CLASP1: variants seen among roughly 807,000 people sequenced by gnomAD.
The protein encoded by CLASP1 is CLIP-associating protein 1.
CLASP1 carries 38 observed loss-of-function variants against 192.3 expected under a neutral mutation model. The ratio of observed to expected loss-of-function variants is 0.20; its 90% CI spans 0.15 to 0.26. The LOEUF (loss-of-function observed/expected upper bound fraction) is 0.26, where lower values mean the gene tolerates loss of function less well. CLASP1 is among the 10% of genes least tolerant of loss of function. The pLI is 1.00. For missense variants in CLASP1, 1,433 were observed against 1,932.5 expected (o/e 0.74, Z 4.85); for synonymous variants, 691 against 712.8 (o/e 0.97, Z 0.49).
intron 8 of CLASP1, among the ~76,000 whole-genome samples, chr2:121,476,305 C>T (rs1436931402): frequency 1.3e-5 from 2 of 152,088 alleles, no homozygotes; most frequent in Non-Finnish European, 2.9e-5. Flanking sequence ...CAGCAGAGCC[C>T]AGCTGCCCCA....
At chr2:121,363,184 G>A (rs746077657) in exon 37 of CLASP1, 34 of 1,613,996 alleles carry the variant, frequency 2.1e-5, no homozygotes, top group African/African-American at 6.7e-5. Flanking sequence ...CCTTATGGGA[G>A]TCTTTGTGGG....
At chr2:121,478,742 CCACACACACCACACACACACCA>C (rs1291728308) in intron 8 of CLASP1, among the ~76,000 whole-genome samples, 4 of 45,140 alleles carry the variant, frequency 8.9e-5, no homozygotes, top group African/African-American at 2.0e-4. Context: ...CACACACACC[CCACACACACCACACACACACCA>C]CACACCCCAC....
intron 34 of CLASP1, among the ~76,000 whole-genome samples, chr2:121,370,445 C>T (rs745752962): frequency 6.6e-6 from 1 of 152,164 alleles, no homozygotes; most frequent in African/African-American, 2.4e-5. Flanking sequence ...CCTGCCTCAG[C>T]CTCCCAAGGA....
intron 8 of CLASP1, among the ~76,000 whole-genome samples, chr2:121,502,226 C>T (rs910282337): frequency 1.3e-5 from 2 of 152,134 alleles, no homozygotes; most frequent in Non-Finnish European, 2.9e-5. Context: ...ACACCTATCA[C>T]AAGCCAGGGA....
chr2:121,553,281 A>C (rs1425247000), intron 2 of CLASP1, among the ~76,000 whole-genome samples: 1 of 152,256 alleles, frequency 6.6e-6, no homozygotes, highest in Non-Finnish European at 1.5e-5. Flanking sequence ...TCTGTACAAC[A>C]AACCCCTGTG....
chr2:121,509,306 G>C (rs1032259108), intron 7 of CLASP1, among the ~76,000 whole-genome samples: 65 of 152,170 alleles, frequency 4.3e-4, no homozygotes, highest in Admixed American at 4.3e-3. Flanking sequence ...GTCTCATGTA[G>C]CTAGGACCAC....
chr2:121,476,335 C>T (rs531028701), intron 8 of CLASP1, among the ~76,000 whole-genome samples: 24 of 152,248 alleles, frequency 1.6e-4, no homozygotes, highest in African/African-American at 5.8e-4. Context: ...TTTAACCAGG[C>T]TGCATAGGGG....
rs115435830 is a variant in CLASP1 at position 121,530,937 on chromosome 2, C to T, written c.196-612G>A. 1,614 of 700,392 alleles carry T rather than the reference C, an allele frequency of 2.3e-3. 18 individuals are homozygous for T. Among genetic ancestry groups the T allele is most frequent in the African/African-American group, 0.019 (1,079 of 57,292 alleles). The allele number at this position is 700,392 out of a possible 1,614,324, so 43.4% of individuals were successfully genotyped here. A position where few individuals can be genotyped will look rare whatever the true frequency, so the allele number is the denominator to read the frequency against. ...CAATGAGCGCATAGTGAGGGCAGTA[C>T]TGCTAACGCCTGAACAACACACCCG... On this transcript the variant is annotated intron_variant, in intron 2 of 39. Coordinates refer to ENST00000263710, the Ensembl canonical transcript of CLASP1.
intron 8 of CLASP1, among the ~76,000 whole-genome samples, chr2:121,493,376 C>T (rs1021472581): frequency 3.3e-5 from 5 of 152,026 alleles, no homozygotes; most frequent in African/African-American, 9.7e-5. Flanking sequence ...ACAACAGTGC[C>T]GAAAAGAACA....
chr2:121,548,492 G>A (rs2057694007), intron 2 of CLASP1, among the ~76,000 whole-genome samples: 1 of 151,994 alleles, frequency 6.6e-6, no homozygotes, highest in African/African-American at 2.4e-5. Context: ...TATATTTCAG[G>A]GTATCATCCA....
chr2:121,394,725 C>CA (rs2074985816), intron 30 of CLASP1, among the ~76,000 whole-genome samples: 1 of 152,028 alleles, frequency 6.6e-6, no homozygotes, highest in African/African-American at 2.4e-5. Context: ...ACTAAAAATA[C>CA]AAAAATTAGC....
chr2:121,350,457 A>G (rs1358238655), intron 37 of CLASP1, among the ~76,000 whole-genome samples: 1 of 152,100 alleles, frequency 6.6e-6, no homozygotes, highest in Non-Finnish European at 1.5e-5. Context: ...GAGGCCATAT[A>G]AACTGCTTGG....
chr2:121,529,843 A>G (rs1319252865), intron 3 of CLASP1, among the ~76,000 whole-genome samples: 2 of 152,260 alleles, frequency 1.3e-5, no homozygotes, highest in Non-Finnish European at 2.9e-5. Context: ...GACCGGGGTC[A>G]GGGTAAAATA....
exon 35 of CLASP1, chr2:121,367,680 T>A: frequency 6.2e-7 from 1 of 1,613,984 alleles, no homozygotes; most frequent in East Asian, 2.2e-5. Context: ...GGGGTACGGG[T>A]TGTAGTCTCG....
chr2:121,496,707 A>G (rs2093549681), intron 8 of CLASP1, among the ~76,000 whole-genome samples: 1 of 152,176 alleles, frequency 6.6e-6, no homozygotes, highest in East Asian at 1.9e-4. Flanking sequence ...GTTACAGTCC[A>G]ATGCCGAGAT....
At chr2:121,478,891 ACACACACACCACAC>A (rs2092222400) in intron 8 of CLASP1, among the ~76,000 whole-genome samples, 7 of 62,422 alleles carry the variant, frequency 1.1e-4, no homozygotes, top group Admixed American at 1.7e-4. Context: ...CACACACCAC[ACACACACACCACAC>A]CACACACACC....
intron 7 of CLASP1, among the ~76,000 whole-genome samples, chr2:121,513,431 TA>T (rs1315245233): frequency 1.8e-4 from 27 of 151,932 alleles, no homozygotes; most frequent in East Asian, 9.6e-4. Flanking sequence ...TTTTTTATTT[TA>T]TTTTTTTTTT....
intron 8 of CLASP1, among the ~76,000 whole-genome samples, chr2:121,478,882 ACACAC>A (rs1559368821): frequency 2.5e-5 from 2 of 80,626 alleles, no homozygotes; most frequent in Non-Finnish European, 4.6e-5. Context: ...CACACCACAC[ACACAC>A]CACACACACA....
intron 1 of CLASP1, among the ~76,000 whole-genome samples, chr2:121,626,425 A>T (rs1384458383): frequency 6.6e-6 from 1 of 152,258 alleles, no homozygotes; most frequent in Non-Finnish European, 1.5e-5. Flanking sequence ...CTTCCAATGT[A>T]TTAAGTTATC....
Sources: gnomAD v4.1 joint callset for allele counts (sites outside exome capture counted in the v4.1 genomes callset) on GRCh38, gnomAD v4.1.1 for gene constraint, MANE v1.5 for transcripts, NCBI Gene and HGNC (gene_info 2026-07-23, HGNC 2026-07-21) for gene names.